Variants in CFAP52 observed in about 807,000 individuals in gnomAD.
CFAP52 encodes cilia and flagella associated protein 52, also known as cilia- and flagella-associated protein 52.
CFAP52 carries 57 observed loss-of-function variants against 70.5 expected under a neutral mutation model. That is an observed-to-expected ratio of 0.81 (90% CI 0.65 to 1.01). CFAP52 has a LOEUF of 1.01. Ranked by LOEUF, CFAP52 falls within the 50% of genes least tolerant of loss-of-function variation. The probability of loss-of-function intolerance (pLI) is 0.00; values close to 1 mark genes in which losing one functional copy is unlikely to be tolerated. For synonymous variants in CFAP52, 267 were observed against 292.5 expected (o/e 0.91, Z 0.89); for missense variants, 785 against 788.5 (o/e 1.00, Z 0.05).
At position 9,586,831 on chromosome 17, in the gene CFAP52, G is replaced by T. The variant is rs1908513013; in HGVS notation, c.404G>T (p.Gly135Val). 6.2e-7 allele frequency: 1 copy of T among 1,600,850 alleles called. No individual in the cohort carries two copies. Among genetic ancestry groups the T allele is most frequent in the African/African-American group, 1.4e-5 (1 of 74,002 alleles). The change falls in exon 3 of 14, where the codon GGA becomes GTA. Residue 135 changes from glycine to valine, a missense_variant. Gly to Val is a moderately radical substitution (Grantham distance 109, BLOSUM62 -3). Transcript: ENST00000352665. ...YLVSLGGPDD[G>V]SVVVWSIAKR... The stretch of plus-strand genomic sequence containing the variant: ...GTATCACTAGGAGGCCCAGATGACG[G>T]AAGGTAATGAACTAAACATAGTTAC...
intron 9 of CFAP52, 141 bp downstream of exon 9, chr17:9,628,961 C>A (rs1448782655): frequency 7.7e-7 from 1 of 1,292,298 alleles, no homozygotes; most frequent in Non-Finnish European, 1.1e-6. Flanking sequence ...TCTAATCTAG[C>A]CTCTCTTTGG....
At chr17:9,623,601 C>T (rs1362203861) in intron 8 of CFAP52, among the ~76,000 whole-genome samples, 1 of 152,140 alleles carries the variant, frequency 6.6e-6, no homozygotes, top group Non-Finnish European at 1.5e-5. Context: ...TGATGGTCTT[C>T]ATTCTTTCTT....
intron 12 of CFAP52, among the ~76,000 whole-genome samples, chr17:9,640,148 C>T (rs968555517): frequency 2.6e-5 from 4 of 151,668 alleles, no homozygotes; most frequent in African/African-American, 7.3e-5. Flanking sequence ...GAACACAGCA[C>T]GTTTCCGACA....
In CFAP52 at chr17:9,631,702, A is replaced by G. The variant is rs371325603; in HGVS notation, c.1175-1186A>G. On this transcript the variant is annotated intron_variant, in intron 9 of 13. Coordinates refer to ENST00000352665, the MANE Select transcript of CFAP52 (RefSeq NM_145054.5). ...TGGGGGTCGGGCACAAATACTAGTT[A>G]CCGTGGAGGATAAAGGAGTTTGGAT... Among the ~76,000 whole-genome samples, 7 of 151,794 alleles carry G rather than the reference A, an allele frequency of 4.6e-5. No homozygotes were observed. In the East Asian group the frequency reaches 9.7e-4, roughly 21 times the overall value.
chr17:9,638,860 T>A, intron 12 of CFAP52, 149 bp downstream of exon 12: 1 of 688,318 alleles, frequency 1.5e-6, no homozygotes, highest in South Asian at 1.8e-5. Context: ...GGAAAGGCCA[T>A]ATCACCTTCC....
At chr17:9,595,756 G>A in intron 4 of CFAP52, among the ~76,000 whole-genome samples, 1 of 151,606 alleles carries the variant, frequency 6.6e-6, no homozygotes, top group Non-Finnish European at 1.5e-5. Context: ...TTTTGACATG[G>A]CACCTATGTA....
At chr17:9,584,546 T>C (rs1441406174) in intron 1 of CFAP52, among the ~76,000 whole-genome samples, 1 of 152,226 alleles carries the variant, frequency 6.6e-6, no homozygotes, top group Non-Finnish European at 1.5e-5. Flanking sequence ...TCACTTCACA[T>C]AGTTACTTTT....
intron 7 of CFAP52, among the ~76,000 whole-genome samples, chr17:9,609,871 T>C (rs1026807402): frequency 3.9e-5 from 6 of 152,112 alleles, no homozygotes; most frequent in Non-Finnish European, 7.4e-5. Flanking sequence ...CAGGTTATTA[T>C]ACATGCTCAA....
chr17:9,608,118 G>A lies in CFAP52; in HGVS notation c.754-1G>A. The A allele has an allele frequency of 6.2e-7, 1 of 1,611,082 alleles. No individual in the cohort carries two copies. Among genetic ancestry groups the A allele is most frequent in the South Asian group, 1.1e-5 (1 of 90,668 alleles). The stretch of plus-strand genomic sequence containing the variant: ...TTTCTTAACACAGTTTTTCCCCCTA[G>A]GGAGTGTCAGCTATCAGGTGCCTGA... On this transcript the variant is annotated splice_acceptor_variant, in intron 6 of 13. Coordinates refer to ENST00000352665, the MANE Select transcript of CFAP52 (RefSeq NM_145054.5). LOFTEE classifies it high-confidence loss of function.
At chr17:9,576,885 C>A in intron 1 of CFAP52, 120 bp downstream of exon 1, 1 of 1,087,456 alleles carries the variant, frequency 9.2e-7, no homozygotes, top group Non-Finnish European at 1.3e-6. Context: ...GGCAGGAGCC[C>A]TGGCCAGGGA....
intron 12 of CFAP52, among the ~76,000 whole-genome samples, chr17:9,640,403 AC>A (rs1910999384): frequency 1.3e-5 from 1 of 78,536 alleles, no homozygotes; most frequent in Non-Finnish European, 2.6e-5. Context: ...CCCACCCACC[AC>A]CCCCCGACAG....
At chr17:9,636,290 A>G (rs1910801448) in intron 11 of CFAP52, among the ~76,000 whole-genome samples, 2 of 152,196 alleles carry the variant, frequency 1.3e-5, no homozygotes, top group South Asian at 4.1e-4. Context: ...GCCTCTTATC[A>G]TTCCAGTTAG....
chr17:9,593,910 A>G (rs1908877033), intron 3 of CFAP52, among the ~76,000 whole-genome samples: 1 of 152,050 alleles, frequency 6.6e-6, no homozygotes, highest in Non-Finnish European at 1.5e-5. Flanking sequence ...GGTTGCAATG[A>G]GCAGAGATGG....
rs1237822574 is a variant in CFAP52 at position 9,635,449 on chromosome 17, G to A, written c.1365G>A (p.Glu455=). ...GCTGTCAGACCCAGAAGCTGGAGGA[G>A]GCCCTGAAGGAACACAAGTCATCAG... ...QIGCQTQKLE[E]ALKEHKSSVS... is the part of the protein sequence containing the mutation. The change falls in exon 11 of 14, where the codon GAG becomes GAA. Residue 455 remains glutamate, a synonymous_variant. Transcript: ENST00000352665. 1 of 1,614,218 alleles carries A rather than the reference G, an allele frequency of 6.2e-7. No individual in the cohort carries two copies. The highest frequency in any genetic ancestry group is 1.7e-5 in the Admixed American group (1 of 60,026).
intron 1 of CFAP52, among the ~76,000 whole-genome samples, chr17:9,583,493 G>A (rs2151926437): frequency 6.6e-6 from 1 of 151,912 alleles, no homozygotes; most frequent in Admixed American, 6.6e-5. Flanking sequence ...AAAAACCCAA[G>A]AATAAATGTA....
chr17:9,589,747 A>G (rs79165165), intron 3 of CFAP52, among the ~76,000 whole-genome samples: 2 of 136,782 alleles, frequency 1.5e-5, no homozygotes, highest in African/African-American at 5.5e-5. Flanking sequence ...AAAAAAAAAA[A>G]AAAAAAAGAA....
downstream of CFAP52, chr17:9,645,156 C>G (rs1404717379): frequency 6.5e-6 from 1 of 153,010 alleles, no homozygotes; most frequent in East Asian, 1.9e-4. The surrounding 1 kb of genome is among the most constrained non-coding windows in gnomAD (Gnocchi z 6.8). Flanking sequence ...GCGCCCAGCG[C>G]GCGCCTCTCA....
Position 9,631,024 on chromosome 17 carries a change from A to AGAG in CFAP52, c.1175-1864_1175-1863insGAG, listed in dbSNP as rs1567634806. 1.7e-4 allele frequency among the ~76,000 whole-genome samples: 5 copies of AGAG among 30,032 alleles called. 1 individual carries two copies. Among genetic ancestry groups the AGAG allele is most frequent in the African/African-American group, 7.5e-4 (5 of 6,636 alleles). 19.7% of individuals were successfully genotyped at this position (30,032 alleles called of 152,430 possible). ...AAAGAAAGAAAGAAAGAAAGAAAGA[A>AGAG]AGAAAGAGAGAGAGAGAGAGAGAGA... On this transcript the variant is annotated intron_variant, in intron 9 of 13. Transcript: ENST00000352665.
chr17:9,605,110 TGAA>T (rs1909432883), intron 6 of CFAP52, among the ~76,000 whole-genome samples: 1 of 152,206 alleles, frequency 6.6e-6, no homozygotes, highest in Non-Finnish European at 1.5e-5. Context: ...CCAAAGGAGC[TGAA>T]AACTTATGTT....
Sources: allele counts gnomAD v4.1 joint callset (sites outside exome capture counted in the v4.1 genomes callset), GRCh38; gene constraint gnomAD v4.1.1; non-coding constraint Gnocchi (gnomAD v3.1); transcripts MANE v1.5; gene names NCBI Gene and HGNC (gene_info 2026-07-23, HGNC 2026-07-21).